Variants in NRCAM observed in about 807,000 individuals in gnomAD.
NRCAM encodes the protein NgCAM-related cell adhesion molecule.
NRCAM carries 83 observed loss-of-function variants against 156.5 expected under a neutral mutation model. That is an observed-to-expected ratio of 0.53 (90% CI 0.44 to 0.64). The LOEUF (loss-of-function observed/expected upper bound fraction) is 0.64, where lower values mean the gene tolerates loss of function less well. NRCAM is among the 30% of genes least tolerant of loss of function. The pLI is 0.00. For synonymous variants in NRCAM, 538 were observed against 563.9 expected (o/e 0.95, Z 0.65); for missense variants, 1,417 against 1,597.3 (o/e 0.89, Z 1.92).
chr7:108,365,992 C>A (rs1438747528), intron 2 of NRCAM, among the ~76,000 whole-genome samples: 1 of 152,146 alleles, frequency 6.6e-6, no homozygotes, highest in African/African-American at 2.4e-5. Context: ...ATTTAATCAT[C>A]AGGGCAGAGC....
chr7:108,268,621 G>C (rs2097197901), intron 3 of NRCAM, among the ~76,000 whole-genome samples: 2 of 112,974 alleles, frequency 1.8e-5, no homozygotes, highest in African/African-American at 3.6e-5. Flanking sequence ...GGCGGGGGTG[G>C]GGGTGGGGGG....
At chr7:108,167,647 T>C (rs1325080706) in intron 29 of NRCAM, among the ~76,000 whole-genome samples, 2 of 152,228 alleles carry the variant, frequency 1.3e-5, no homozygotes, top group Non-Finnish European at 2.9e-5. Flanking sequence ...CAAACATTTA[T>C]TGGCCACCTC....
chr7:108,181,282 G>A (rs1438230965), intron 24 of NRCAM, among the ~76,000 whole-genome samples: 1 of 151,844 alleles, frequency 6.6e-6, no homozygotes, highest in East Asian at 1.9e-4. Flanking sequence ...TGTACGCTTG[G>A]CTGCCTATCA....
At chr7:108,268,615 GGGGT>G (rs2097196025) in intron 3 of NRCAM, among the ~76,000 whole-genome samples, 1 of 121,042 alleles carries the variant, frequency 8.3e-6, no homozygotes, top group Non-Finnish European at 1.7e-5. Context: ...GAGCGGGGCG[GGGGT>G]GGGGGTGGGG....
intron 2 of NRCAM, among the ~76,000 whole-genome samples, chr7:108,339,345 C>A (rs1015264920): frequency 6.6e-6 from 1 of 152,186 alleles, no homozygotes; most frequent in South Asian, 2.1e-4. Flanking sequence ...CCCAAACCTG[C>A]GAGCTGTTTG....
At chr7:108,244,894 A>G (rs1454759964) in intron 3 of NRCAM, among the ~76,000 whole-genome samples, 4 of 152,214 alleles carry the variant, frequency 2.6e-5, no homozygotes, top group Non-Finnish European at 4.4e-5. Context: ...TCAGAGCACT[A>G]TAACTAATGA....
At chr7:108,297,910 T>TG (rs1199814230) in intron 3 of NRCAM, among the ~76,000 whole-genome samples, 3 of 152,008 alleles carry the variant, frequency 2.0e-5, no homozygotes, top group Non-Finnish European at 4.4e-5. Context: ...CAGCGAGCTA[T>TG]GGGGATATGT....
At chr7:108,219,028 T>C (rs1244201056) in intron 11 of NRCAM, among the ~76,000 whole-genome samples, 1 of 152,092 alleles carries the variant, frequency 6.6e-6, no homozygotes, top group African/African-American at 2.4e-5. Context: ...AAGGGAGATA[T>C]TACAACTGAC....
At chr7:108,227,285 T>C (rs2093629946) in intron 8 of NRCAM, among the ~76,000 whole-genome samples, 1 of 152,230 alleles carries the variant, frequency 6.6e-6, no homozygotes, top group Non-Finnish European at 1.5e-5. Context: ...TAGGTCCAGT[T>C]AAGGAACTAT....
At chr7:108,215,094 G>A (rs1056761298) in intron 11 of NRCAM, among the ~76,000 whole-genome samples, 1 of 152,092 alleles carries the variant, frequency 6.6e-6, no homozygotes, top group East Asian at 1.9e-4. Context: ...GGAGAGTTCT[G>A]TAGATGTCTA....
intron 28 of NRCAM, among the ~76,000 whole-genome samples, chr7:108,171,077 C>G (rs1047294079): frequency 6.6e-6 from 1 of 152,078 alleles, no homozygotes; most frequent in Non-Finnish European, 1.5e-5. Context: ...ATAGGGAATT[C>G]GAACTCTCCT....
intron 32 of NRCAM, among the ~76,000 whole-genome samples, chr7:108,153,131 A>T (rs954314711): frequency 1.3e-5 from 2 of 152,154 alleles, no homozygotes; most frequent in African/African-American, 4.8e-5. Flanking sequence ...CAAAACCAAT[A>T]AGAATGCTTT....
chr7:108,176,343 C>G, intron 27 of NRCAM, 87 bp downstream of exon 27: 1 of 1,186,160 alleles, frequency 8.4e-7, no homozygotes, highest in Non-Finnish European at 1.2e-6. Flanking sequence ...GACAGACGTT[C>G]CATAGCAAGA....
intron 11 of NRCAM, among the ~76,000 whole-genome samples, chr7:108,219,452 C>T (rs951248606): frequency 6.6e-6 from 1 of 152,010 alleles, no homozygotes; most frequent in African/African-American, 2.4e-5. Flanking sequence ...AAATCCTTAA[C>T]AAAATACTAG....
At chr7:108,386,912 CTCT>C (rs954968356) in intron 2 of NRCAM, among the ~76,000 whole-genome samples, 1 of 152,252 alleles carries the variant, frequency 6.6e-6, no homozygotes, top group African/African-American at 2.4e-5. Context: ...ACAGAATGTT[CTCT>C]TCTTTTTTTG....
intron 6 of NRCAM, 25 bp downstream of exon 6, chr7:108,234,558 A>G (rs986191310): frequency 7.5e-7 from 1 of 1,330,512 alleles, no homozygotes; most frequent in Non-Finnish European, 1.1e-6. Flanking sequence ...TCTCAGTACT[A>G]TAACAAAGCA....
At chr7:108,392,816 G>T (rs182977117) in intron 2 of NRCAM, among the ~76,000 whole-genome samples, 115 of 152,328 alleles carry the variant, frequency 7.5e-4, no homozygotes, top group African/African-American at 2.5e-3. Context: ...AGGTCTGTTG[G>T]GGTTTGCTGG....
chr7:108,376,879 A>T (rs1165126464), intron 2 of NRCAM, among the ~76,000 whole-genome samples: 1 of 152,178 alleles, frequency 6.6e-6, no homozygotes, highest in Non-Finnish European at 1.5e-5. Flanking sequence ...TTTGAGAGAG[A>T]GTGGGCCAGG....
At chr7:108,278,206 G>T (rs10464623) in intron 3 of NRCAM, among the ~76,000 whole-genome samples, 6,513 of 152,336 alleles carry the variant, frequency 0.043, 181 homozygotes, top group South Asian at 0.11. Context: ...GGGACCCACT[G>T]GAGAAGGCAG....
Sources: allele counts gnomAD v4.1 joint callset (sites outside exome capture counted in the v4.1 genomes callset), GRCh38; gene constraint gnomAD v4.1.1; transcripts MANE v1.5; gene names NCBI Gene and HGNC (gene_info 2026-07-23, HGNC 2026-07-21).